The following MERTK variants were observed in gnomAD, a reference collection of about 807,000 sequenced individuals.
MERTK encodes the protein tyrosine-protein kinase Mer.
Under a neutral mutation model 99.3 loss-of-function variants are expected in MERTK, and 69 were observed. That is an observed-to-expected ratio of 0.70 (90% confidence interval 0.57 to 0.85). MERTK has a LOEUF of 0.85. Among genes scored for constraint, MERTK ranks in the 40% least tolerant of loss-of-function variants. MERTK has a pLI of 0.00. For missense variants in MERTK, 1,125 were observed against 1,249.4 expected (o/e 0.90, Z 1.50); for synonymous variants, 426 against 467.6 (o/e 0.91, Z 1.15).
intron 8 of MERTK, among the ~76,000 whole-genome samples, chr2:111,986,901 CA>C (rs1405839457): frequency 6.6e-6 from 1 of 152,074 alleles, no homozygotes; most frequent in Non-Finnish European, 1.5e-5. Flanking sequence ...GCTTATGATC[CA>C]AAACTAGGGA....
rs372881224 is a variant in MERTK at position 111,960,810 on chromosome 2, T to C, written c.758-4381T>C. Among the ~76,000 whole-genome samples, 6 of 151,998 alleles carry C rather than the reference T, an allele frequency of 3.9e-5. No individual in the cohort carries two copies. In the East Asian group the frequency reaches 9.7e-4, roughly 25 times the overall value. Reference sequence around the variant, plus strand: ...TACAGTGGGTGTTGGTGTCAAGATATTCAAGGTACCTCAAATTACATTTTT... The same window carrying C: ...TACAGTGGGTGTTGGTGTCAAGATACTCAAGGTACCTCAAATTACATTTTT... On this transcript the variant is annotated intron_variant, in intron 4 of 18. Coordinates refer to ENST00000295408, the MANE Select transcript of MERTK (RefSeq NM_006343.3).
chr2:112,011,120 C>T lies in MERTK; in HGVS notation c.2079+1054C>T, dbSNP rs114318524. On this transcript the variant is annotated intron_variant, in intron 15 of 18. Coordinates refer to ENST00000295408, the MANE Select transcript of MERTK (RefSeq NM_006343.3). ...CTTTAGCTGCCATCAGTATGAGGAC[C>T]GCTGAGTGCAGTGGTGCAATTAGGA... Among the ~76,000 whole-genome samples the T allele has an allele frequency of 6.0e-3, 917 of 152,256 alleles. 8 individuals carry two copies. The highest frequency in any genetic ancestry group is 0.019 in the African/African-American group (796 of 41,534).
intron 1 of MERTK, among the ~76,000 whole-genome samples, chr2:111,916,072 C>A (rs930391818): frequency 6.6e-6 from 1 of 152,020 alleles, no homozygotes; most frequent in Non-Finnish European, 1.5e-5. Context: ...AATGTGTATT[C>A]TATTGTTGGG....
chr2:112,029,512 C>G lies in MERTK; in HGVS notation c.*648C>G, dbSNP rs1200026245. On this transcript the variant is annotated 3_prime_UTR_variant, in exon 19 of 19. Coordinates refer to ENST00000295408, the MANE Select transcript of MERTK (RefSeq NM_006343.3). Reference sequence around the variant, plus strand: ...TTGCTTTATAGAGATATGGAAAAACCACACCAGGGTCTGTAGATAAGGAAT... The same window carrying G: ...TTGCTTTATAGAGATATGGAAAAACGACACCAGGGTCTGTAGATAAGGAAT... 5.7e-6 allele frequency: 1 copy of G among 176,272 alleles called. No individual in the cohort carries two copies. Among genetic ancestry groups the G allele is most frequent in the Admixed American group, 6.5e-5 (1 of 15,308 alleles). 10.9% of individuals were successfully genotyped at this position (176,272 alleles called of 1,614,324 possible). A position where few individuals can be genotyped will look rare whatever the true frequency, so the allele number is the denominator to read the frequency against.
Position 111,924,684 on chromosome 2 carries a change from G to A in MERTK, c.62-4436G>A, listed in dbSNP as rs144738114. On this transcript the variant is annotated intron_variant, in intron 1 of 18. Coordinates refer to ENST00000295408, the MANE Select transcript of MERTK (RefSeq NM_006343.3). ...TTCTCCTGCCTCGACTGGGATTCAG[G>A]GCTCTCCACATTCACCTTAATTTTG... is the stretch of plus-strand genomic sequence containing the variant. Among the ~76,000 whole-genome samples, 823 of 152,140 alleles carry A rather than the reference G, an allele frequency of 5.4e-3. 8 individuals carry two copies. Among genetic ancestry groups the A allele is most frequent in the African/African-American group, 0.019 (794 of 41,478 alleles).
intron 2 of MERTK, among the ~76,000 whole-genome samples, chr2:111,935,695 T>C (rs1392316455): frequency 6.6e-6 from 1 of 151,326 alleles, no homozygotes; most frequent in East Asian, 1.9e-4. Context: ...GTTTAAATTA[T>C]TTTAATAGTA....
chr2:111,964,099 G>A (rs1685312052), intron 4 of MERTK, among the ~76,000 whole-genome samples: 1 of 145,720 alleles, frequency 6.9e-6, no homozygotes. Flanking sequence ...ACTGTATGCA[G>A]CCCATTAAGG....
At chr2:111,902,552 G>T (rs1240174367) in intron 1 of MERTK, among the ~76,000 whole-genome samples, 6 of 151,636 alleles carry the variant, frequency 4.0e-5, no homozygotes, top group Non-Finnish European at 7.4e-5. Context: ...TTCTTTCTAG[G>T]GCCTGAGCAG....
At chr2:111,943,464 A>G (rs1392257463) in intron 2 of MERTK, among the ~76,000 whole-genome samples, 1 of 152,156 alleles carries the variant, frequency 6.6e-6, no homozygotes, top group East Asian at 1.9e-4. Flanking sequence ...GCTTGAGCCC[A>G]GGAGTTCAAG....
intron 15 of MERTK, among the ~76,000 whole-genome samples, chr2:112,018,040 T>A (rs1553459198): frequency 6.6e-6 from 1 of 152,160 alleles, no homozygotes; most frequent in Non-Finnish European, 1.5e-5. Flanking sequence ...ACAATTGCAT[T>A]TGTAGCCCAA....
intron 2 of MERTK, among the ~76,000 whole-genome samples, chr2:111,938,992 T>C (rs940951332): frequency 4.6e-5 from 7 of 152,254 alleles, no homozygotes; most frequent in African/African-American, 1.7e-4. Context: ...ATGGAAATTC[T>C]GTTTTCAGCT....
intron 4 of MERTK, among the ~76,000 whole-genome samples, chr2:111,957,812 G>A (rs958618226): frequency 6.6e-6 from 1 of 152,080 alleles, no homozygotes; most frequent in African/African-American, 2.4e-5. Flanking sequence ...GCTTCCTTTG[G>A]TAGAAAGATG....
chr2:111,975,218 C>T (rs777534456), intron 6 of MERTK, 71 bp from the exon 7 acceptor site: 8 of 1,470,122 alleles, frequency 5.4e-6, no homozygotes, highest in East Asian at 4.5e-5. Context: ...GCACCGAATG[C>T]ACACAGGCCC....
chr2:111,918,482 G>A (rs528512346), intron 1 of MERTK, among the ~76,000 whole-genome samples: 5 of 152,144 alleles, frequency 3.3e-5, no homozygotes, highest in Non-Finnish European at 7.3e-5. Context: ...ATCAACCCCA[G>A]ACCCCCAGAG....
rs199707021 is a variant in MERTK, at chr2:111,947,520, G to A, written c.710G>A (p.Arg237His). 125 of 1,614,186 alleles carry A rather than the reference G, an allele frequency of 7.7e-5. 1 individual carries two copies. The highest frequency in any genetic ancestry group is 1.7e-4 in the Middle Eastern group (1 of 6,060). Residue 237 changes from arginine (R) to histidine (H), a missense_variant, in exon 4 of 19, where the codon CGT (arginine) becomes CAT (histidine). Arg to His is a conservative substitution (Grantham distance 29). Transcript: ENST00000295408. Reference protein sequence around the residue: ...VNIFWVQNSSRVNEQPEKSPS... With the variant: ...VNIFWVQNSSHVNEQPEKSPS... ...ATTTTCTGGGTTCAAAACAGTAGCC[G>A]TGTTAACGAACAGCCTGAAAAATCC...
intron 1 of MERTK, among the ~76,000 whole-genome samples, chr2:111,926,602 C>T (rs943733410): frequency 1.3e-5 from 2 of 151,738 alleles, no homozygotes; most frequent in Non-Finnish European, 3.0e-5. Flanking sequence ...TGGCGCGCAC[C>T]TGTAGTCCCA....
At chr2:111,943,045 C>T (rs763120743) in intron 2 of MERTK, among the ~76,000 whole-genome samples, 2 of 152,238 alleles carry the variant, frequency 1.3e-5, no homozygotes, top group East Asian at 3.8e-4. Context: ...TACCACATGT[C>T]TGCTCCAGAT....
intron 13 of MERTK, among the ~76,000 whole-genome samples, chr2:112,005,347 C>T (rs1292867694): frequency 6.6e-6 from 1 of 152,230 alleles, no homozygotes; most frequent in African/African-American, 2.4e-5. Flanking sequence ...TCTGGGATTA[C>T]AGGCATGAGC....
chr2:112,002,852 A>G (rs1441029276), intron 11 of MERTK, among the ~76,000 whole-genome samples: 3 of 152,172 alleles, frequency 2.0e-5, no homozygotes, highest in African/African-American at 2.4e-5. Context: ...GCATGCCTGC[A>G]GTCCCAGCTA....
Sources: gnomAD v4.1 joint callset for allele counts (sites outside exome capture counted in the v4.1 genomes callset) on GRCh38, gnomAD v4.1.1 for gene constraint, MANE v1.5 for transcripts, NCBI Gene and HGNC (gene_info 2026-07-23, HGNC 2026-07-21) for gene names.